USP28: variants seen among roughly 807,000 people sequenced by gnomAD.
USP28 encodes ubiquitin carboxyl-terminal hydrolase 28.
In USP28, 113 loss-of-function variants were observed where a neutral mutation model predicts 145.0. That is an observed-to-expected ratio of 0.78 (90% CI 0.67 to 0.91). The LOEUF (loss-of-function observed/expected upper bound fraction) is 0.91, where lower values mean the gene tolerates loss of function less well. Ranked by LOEUF, USP28 falls within the 40% of genes least tolerant of loss-of-function variation. The pLI is 0.00. For missense variants in USP28, 1,201 were observed against 1,289.6 expected (o/e 0.93, Z 1.05); for synonymous variants, 447 against 450.9 (o/e 0.99, Z 0.11).
chr11:113,807,536 A>T (rs758057673), intron 18 of USP28, among the ~76,000 whole-genome samples: 16 of 152,190 alleles, frequency 1.1e-4, no homozygotes, highest in Non-Finnish European at 2.1e-4. Context: ...TACAATTAAA[A>T]ATAACTTCAA....
chr11:113,841,718 C>A, exon 4 of USP28: 2 of 1,613,584 alleles, frequency 1.2e-6, no homozygotes, highest in South Asian at 1.1e-5. Context: ...AGACTCAAAG[C>A]AATGGCAGCC....
At chr11:113,857,582 G>A (rs1331695821) in intron 1 of USP28, among the ~76,000 whole-genome samples, 3 of 152,180 alleles carry the variant, frequency 2.0e-5, no homozygotes, top group Admixed American at 1.3e-4. Context: ...CTATGACCAG[G>A]TTCATACAAG....
intron 11 of USP28, among the ~76,000 whole-genome samples, chr11:113,823,903 TTAAA>T (rs1942992574): frequency 1.3e-5 from 2 of 152,158 alleles, no homozygotes; most frequent in Non-Finnish European, 2.9e-5. Context: ...GCTACTTCTA[TTAAA>T]TACTTAACTG....
chr11:113,809,750 G>A (rs1940652815), intron 16 of USP28, among the ~76,000 whole-genome samples: 2 of 152,104 alleles, frequency 1.3e-5, no homozygotes, highest in South Asian at 2.1e-4. Context: ...TATGGAAAGT[G>A]GGCCGGGTGC....
chr11:113,870,069 G>A (rs1948669425), intron 1 of USP28, among the ~76,000 whole-genome samples: 1 of 152,170 alleles, frequency 6.6e-6, no homozygotes, highest in African/African-American at 2.4e-5. Context: ...GGCTGAGGCA[G>A]GAGAATCACT....
chr11:113,804,728 G>C, exon 21 of USP28: 1 of 1,614,130 alleles, frequency 6.2e-7, no homozygotes, highest in Non-Finnish European at 8.5e-7. Flanking sequence ...TTTCGCTTGA[G>C]CCACCTTCAT....
Position 113,809,262 on chromosome 11 carries a change from A to T in USP28, c.1973-8T>A. On this transcript the variant is annotated splice_polypyrimidine_tract_variant and splice_region_variant and intron_variant, in intron 16 of 24. Transcript: ENST00000003302. Reference sequence around the variant, plus strand: ...ATTCAGTTGGGGCTGCCTCTGAGGAAAAGCAAAGATAGAGTTAAAAGGTCA... The same window carrying T: ...ATTCAGTTGGGGCTGCCTCTGAGGATAAGCAAAGATAGAGTTAAAAGGTCA... 6.2e-7 allele frequency: 1 copy of T among 1,611,044 alleles called. No homozygotes were observed. The highest frequency in any genetic ancestry group is 8.5e-7 in the Non-Finnish European group (1 of 1,178,764).
At chr11:113,841,679 C>T (rs764545127) in exon 4 of USP28, 1 of 1,611,456 alleles carries the variant, frequency 6.2e-7, no homozygotes, top group Non-Finnish European at 8.5e-7. Flanking sequence ...AGATCTCTTC[C>T]ATCAGCTTGA....
At chr11:113,826,337 A>AT (rs71063527) in intron 11 of USP28, among the ~76,000 whole-genome samples, 1,110 of 50,766 alleles carry the variant, frequency 0.022, 122 homozygotes, top group Non-Finnish European at 0.026. Context: ...CACCACACCC[A>AT]TTTTTTTTTT....
chr11:113,873,642 T>C (rs981840790), intron 1 of USP28, among the ~76,000 whole-genome samples: 1 of 152,224 alleles, frequency 6.6e-6, no homozygotes. Flanking sequence ...TAAATCAATA[T>C]GATAGTCTCC....
chr11:113,844,438 C>T (rs886173207), intron 3 of USP28, among the ~76,000 whole-genome samples: 3 of 149,538 alleles, frequency 2.0e-5, no homozygotes, highest in Non-Finnish European at 4.4e-5. Context: ...TGTGAGACTC[C>T]GTCTTAAAAA....
intron 3 of USP28, among the ~76,000 whole-genome samples, chr11:113,846,870 CAG>C (rs1945915373): frequency 6.6e-6 from 1 of 152,060 alleles, no homozygotes; most frequent in African/African-American, 2.4e-5. Context: ...TGGCGTGTGC[CAG>C]TAATCCCAGC....
intron 1 of USP28, chr11:113,874,572 C>A: frequency 7.8e-7 from 1 of 1,288,840 alleles, no homozygotes; most frequent in Non-Finnish European, 1.0e-6. Context: ...CATCTCCAAA[C>A]TCGTATTTGA....
intron 3 of USP28, among the ~76,000 whole-genome samples, chr11:113,848,000 G>GAACATTTCCT: frequency 6.6e-6 from 1 of 152,136 alleles, no homozygotes; most frequent in South Asian, 2.1e-4. Flanking sequence ...AAAAACAACA[G>GAACATTTCCT]GTTCATTAAC....
chr11:113,852,956 G>A (rs1565473210), intron 2 of USP28, among the ~76,000 whole-genome samples: 1 of 151,830 alleles, frequency 6.6e-6, no homozygotes, highest in Non-Finnish European at 1.5e-5. Flanking sequence ...TGTCAAAAAA[G>A]GGGGCTGGCA....
rs1940434346 is a variant in USP28, at chr11:113,808,566, T to C, written c.2165-129A>G. On this transcript the variant is annotated intron_variant, in intron 17 of 24. Coordinates refer to ENST00000003302, the Ensembl canonical transcript of USP28. ...TAACACAGCTTTTTACAAAAGCCTA[T>C]GCAGATTTTCCCTAGAAATTAATAA... 4.1e-6 allele frequency: 4 copies of C among 967,752 alleles called. 1 individual carries two copies. The highest frequency in any genetic ancestry group is 2.8e-5 in the South Asian group (1 of 35,656). The allele number at this position is 967,752 out of a possible 1,614,324, so 59.9% of individuals were successfully genotyped here.
intron 16 of USP28, among the ~76,000 whole-genome samples, chr11:113,811,982 G>A (rs1273722798): frequency 6.6e-6 from 1 of 152,140 alleles, no homozygotes; most frequent in Non-Finnish European, 1.5e-5. Flanking sequence ...GGGGAAAAGG[G>A]GGAGGGGAAG....
intron 1 of USP28, among the ~76,000 whole-genome samples, chr11:113,865,000 C>T (rs1040114627): frequency 6.6e-6 from 1 of 152,086 alleles, no homozygotes; most frequent in Non-Finnish European, 1.5e-5. Context: ...TCAAGCCCAA[C>T]TAAGATTTTT....
At chr11:113,861,096 C>T (rs1156826344) in intron 1 of USP28, among the ~76,000 whole-genome samples, 3 of 149,378 alleles carry the variant, frequency 2.0e-5, no homozygotes, top group Non-Finnish European at 4.5e-5. Context: ...TCCACTCCAG[C>T]CTGGGCGACA....
Sources: gnomAD v4.1 joint callset for allele counts (sites outside exome capture counted in the v4.1 genomes callset) on GRCh38, gnomAD v4.1.1 for gene constraint, MANE v1.5 for transcripts, NCBI Gene and HGNC (gene_info 2026-07-23, HGNC 2026-07-21) for gene names.